Variants in DNAH11 observed in about 807,000 individuals in gnomAD.
The protein encoded by DNAH11 is dynein axonemal heavy chain 11.
DNAH11 carries 442 observed loss-of-function variants against 526.0 expected under a neutral mutation model. The observed-to-expected ratio is 0.84, with a 90% CI of 0.78 to 0.91. The LOEUF is 0.91. Among genes scored for constraint, DNAH11 ranks in the 40% least tolerant of loss-of-function variants. DNAH11 has a pLI of 0.00. For synonymous variants in DNAH11, 2,461 were observed against 1,935.9 expected, an observed-to-expected ratio of 1.27 and a Z score of -7.12; for missense variants, 6,989 against 5,448.7, an observed-to-expected ratio of 1.28 and a Z score of -8.90.
intron 25 of DNAH11, among the ~76,000 whole-genome samples, chr7:21,622,676 T>C (rs372699114): frequency 6.6e-6 from 1 of 152,048 alleles, no homozygotes; most frequent in African/African-American, 2.4e-5. Context: ...TATCTACAAC[T>C]ATCTGATCTT....
At chr7:21,711,460 A>C (rs1392845329) in intron 41 of DNAH11, among the ~76,000 whole-genome samples, 3 of 152,184 alleles carry the variant, frequency 2.0e-5, no homozygotes, top group Non-Finnish European at 4.4e-5. Context: ...TACATGTCTT[A>C]TATTTGGCTT....
At chr7:21,898,445 T>C (rs1378091035) in intron 79 of DNAH11, among the ~76,000 whole-genome samples, 1 of 152,128 alleles carries the variant, frequency 6.6e-6, no homozygotes, top group Non-Finnish European at 1.5e-5. Context: ...TGTCAGGGTG[T>C]TTCCTCATTC....
chr7:21,592,487 G>C (rs1784725967), intron 14 of DNAH11, among the ~76,000 whole-genome samples: 1 of 152,184 alleles, frequency 6.6e-6, no homozygotes, highest in South Asian at 2.1e-4. Flanking sequence ...TGAGGTAGAA[G>C]AGACTAATGG....
intron 65 of DNAH11, among the ~76,000 whole-genome samples, chr7:21,826,476 G>A (rs1258577291): frequency 6.6e-6 from 1 of 152,094 alleles, no homozygotes; most frequent in Non-Finnish European, 1.5e-5. Context: ...TAGAGCTACT[G>A]ATTTGCAGTG....
At chr7:21,900,636 G>T (rs1784755544) in intron 81 of DNAH11, among the ~76,000 whole-genome samples, 1 of 152,130 alleles carries the variant, frequency 6.6e-6, no homozygotes, top group Non-Finnish European at 1.5e-5. Flanking sequence ...TCAGTTTAAA[G>T]CAAGTGCCAC....
At chr7:21,692,819 C>T (rs1480002573) in intron 35 of DNAH11, among the ~76,000 whole-genome samples, 1 of 152,164 alleles carries the variant, frequency 6.6e-6, no homozygotes, top group East Asian at 1.9e-4. Context: ...TGCTCACATT[C>T]TTGTCAAAAA....
At chr7:21,862,871 T>C (rs1783117687) in intron 69 of DNAH11, among the ~76,000 whole-genome samples, 1 of 152,110 alleles carries the variant, frequency 6.6e-6, no homozygotes, top group Non-Finnish European at 1.5e-5. Flanking sequence ...GAGACCATCC[T>C]GGCTAACACA....
intron 73 of DNAH11, among the ~76,000 whole-genome samples, chr7:21,869,469 G>C (rs1583793372): frequency 6.6e-6 from 1 of 151,986 alleles, no homozygotes; most frequent in Non-Finnish European, 1.5e-5. Flanking sequence ...TTGAAGGGTG[G>C]GGGGAATGGA....
chr7:21,789,173 A>G, intron 60 of DNAH11, 68 bp from the exon 61 acceptor site: 1 of 1,121,478 alleles, frequency 8.9e-7, no homozygotes. Flanking sequence ...ATTGTAAAGC[A>G]TCCATCCTAT....
At chr7:21,750,563 C>T (rs950796011) in intron 54 of DNAH11, among the ~76,000 whole-genome samples, 199 bp downstream of exon 54, 4 of 152,176 alleles carry the variant, frequency 2.6e-5, no homozygotes, top group Admixed American at 1.3e-4. Flanking sequence ...CATTGCTGAG[C>T]GGTGTGTGCA....
chr7:21,698,356 A>G (rs1193067061), intron 36 of DNAH11, 143 bp downstream of exon 36: 6 of 1,199,538 alleles, frequency 5.0e-6, no homozygotes, highest in East Asian at 2.6e-5. Flanking sequence ...AGTTTGGGGG[A>G]ACAGGTGTTT....
chr7:21,868,226 T>G lies in DNAH11; in HGVS notation c.11839+219T>G, dbSNP rs191753047. Among the ~76,000 whole-genome samples, 285 of 152,300 alleles carry G rather than the reference T, an allele frequency of 1.9e-3. No individual in the cohort carries two copies. The highest frequency in any genetic ancestry group is 6.6e-3 in the African/African-American group (274 of 41,562). On this transcript the variant is annotated intron_variant, in intron 72 of 81. Coordinates refer to ENST00000409508, the MANE Select transcript of DNAH11 (RefSeq NM_001277115.2). Reference sequence around the variant, plus strand: ...TGTGGCTGGCATAATGCAAGTTTCTTTTGTACTGTTTTCCACCTTTTGACT... The same window carrying G: ...TGTGGCTGGCATAATGCAAGTTTCTGTTGTACTGTTTTCCACCTTTTGACT...
At chr7:21,625,449 A>G in intron 25 of DNAH11, among the ~76,000 whole-genome samples, 1 of 152,072 alleles carries the variant, frequency 6.6e-6, no homozygotes, top group East Asian at 1.9e-4. Context: ...TATTCAAAAA[A>G]CCAATTCTTC....
At chr7:21,774,504 C>T (rs897420440) in intron 56 of DNAH11, among the ~76,000 whole-genome samples, 1 of 152,154 alleles carries the variant, frequency 6.6e-6, no homozygotes, top group Non-Finnish European at 1.5e-5. Context: ...CCTCGAAGGG[C>T]GATGCCTCTA....
intron 45 of DNAH11, among the ~76,000 whole-genome samples, chr7:21,726,634 G>A (rs1194003498): frequency 6.6e-6 from 1 of 151,482 alleles, no homozygotes; most frequent in Non-Finnish European, 1.5e-5. Flanking sequence ...GGCCGAGGTG[G>A]GCAGATCACG....
intron 54 of DNAH11, among the ~76,000 whole-genome samples, chr7:21,754,754 T>A (rs923485657): frequency 3.9e-5 from 6 of 152,164 alleles, no homozygotes; most frequent in African/African-American, 4.8e-5. Flanking sequence ...CTCAGTTTGA[T>A]CCACCCTGTG....
rs374359812 is a variant in DNAH11, at chr7:21,588,073, A to G, written c.1720A>G (p.Ile574Val). 38 of 1,613,092 alleles carry G rather than the reference A, an allele frequency of 2.4e-5. No homozygotes were observed. Among genetic ancestry groups the G allele is most frequent in the Admixed American group, 1.3e-4 (8 of 59,944 alleles). The change falls in exon 10 of 82, where the codon ATA becomes GTA. Residue 574 changes from isoleucine (I) to valine (V), a missense_variant. Coordinates refer to ENST00000409508, the MANE Select transcript of DNAH11 (RefSeq NM_001277115.2). ...GLEAAFKLLT[I>V]FGNFLEKPVV... Reference sequence around the variant, plus strand: ...ACTTTGATTTTTATAGCTTTTGACCATATTTGGAAATTTTCTAGAGAAGCC... The same window carrying G: ...ACTTTGATTTTTATAGCTTTTGACCGTATTTGGAAATTTTCTAGAGAAGCC...
intron 43 of DNAH11, among the ~76,000 whole-genome samples, chr7:21,718,148 T>C (rs1784736958): frequency 6.6e-6 from 1 of 151,640 alleles, no homozygotes; most frequent in Non-Finnish European, 1.5e-5. Flanking sequence ...TCTCCTTCTT[T>C]TCACAATCTT....
At position 21,570,087 on chromosome 7, in the gene DNAH11, C is replaced by G; in HGVS notation, c.1213C>G (p.Pro405Ala). The G allele has an allele frequency of 6.2e-7, 1 of 1,609,196 alleles. No individual in the cohort carries two copies. The highest frequency in any genetic ancestry group is 8.5e-7 in the Non-Finnish European group (1 of 1,177,604). ...ATCCTAGGCAACAGCTTACCTTTCA[C>G]CTGAGGACCTTTTGAGGGGAGAAAT... is the stretch of plus-strand genomic sequence containing the variant. ...FINQATAYLS[P>A]EDLLRGEIEE... The change falls in exon 7 of 82, where the codon CCT becomes GCT. Residue 405 changes from proline to alanine, a missense_variant. Coordinates refer to ENST00000409508, the MANE Select transcript of DNAH11 (RefSeq NM_001277115.2).
Sources: gnomAD v4.1 joint callset for allele counts (sites outside exome capture counted in the v4.1 genomes callset) on GRCh38, gnomAD v4.1.1 for gene constraint, MANE v1.5 for transcripts, NCBI Gene and HGNC (gene_info 2026-07-23, HGNC 2026-07-21) for gene names.